Variants in HLCS observed in about 807,000 individuals in gnomAD.
The protein encoded by HLCS is holocarboxylase synthetase.
Under a neutral mutation model 75.0 loss-of-function variants are expected in HLCS, and 53 were observed. The observed-to-expected ratio is 0.71, with a 90% CI of 0.57 to 0.89. HLCS has a LOEUF of 0.89. Ranked by LOEUF, HLCS falls within the 40% of genes least tolerant of loss-of-function variation. The pLI is 0.00. For missense variants in HLCS, 966 were observed against 1,074.0 expected (o/e 0.90, Z 1.41); for synonymous variants, 431 against 428.6 (o/e 1.01, Z -0.07).
intron 1 of HLCS, among the ~76,000 whole-genome samples, chr21:36,985,450 T>C (rs2069210767): frequency 6.7e-6 from 1 of 149,780 alleles, no homozygotes; most frequent in Admixed American, 6.6e-5. Context: ...CTGGCCAACA[T>C]GGTGAAACCC....
chr21:36,874,866 C>CG (rs1032012158), intron 6 of HLCS, among the ~76,000 whole-genome samples: 4 of 151,904 alleles, frequency 2.6e-5, no homozygotes, highest in Non-Finnish European at 1.5e-5. Flanking sequence ...CCTGCACTCT[C>CG]GGGGGTCCAG....
intron 2 of HLCS, among the ~76,000 whole-genome samples, chr21:36,947,064 C>T (rs900768609): frequency 4.3e-4 from 66 of 152,158 alleles, no homozygotes; most frequent in Non-Finnish European, 9.0e-4. Context: ...AAGCTAAAGG[C>T]ACCATTGTCC....
At chr21:36,957,953 C>T (rs1415308018) in intron 2 of HLCS, among the ~76,000 whole-genome samples, 1 of 147,956 alleles carries the variant, frequency 6.8e-6, no homozygotes, top group Non-Finnish European at 1.5e-5. Flanking sequence ...AGAGGCCGGG[C>T]GCGGTGGCTC....
rs148652892 is a variant in HLCS at position 36,796,899 on chromosome 21, C to T, written c.1893-29614G>A. ...TTTTTTTTCCTGCAATGGAGTCTCACTCTATTGCCCAGGCTAGAGTACAGT... is the reference window on the plus strand; with the variant it reads ...TTTTTTTTCCTGCAATGGAGTCTCATTCTATTGCCCAGGCTAGAGTACAGT... On this transcript the variant is annotated intron_variant, in intron 6 of 10. Coordinates refer to ENST00000674895, the MANE Select transcript of HLCS (RefSeq NM_001352514.2). 2.9e-4 allele frequency among the ~76,000 whole-genome samples: 44 copies of T among 151,284 alleles called. No individual in the cohort carries two copies. The East Asian group carries it at 7.9e-3, about 27-fold the overall frequency.
chr21:36,891,910 A>G (rs2064802332), intron 6 of HLCS, among the ~76,000 whole-genome samples: 1 of 152,150 alleles, frequency 6.6e-6, no homozygotes, highest in Non-Finnish European at 1.5e-5. Context: ...CAAAGATATG[A>G]TTAAGGGCCT....
intron 6 of HLCS, among the ~76,000 whole-genome samples, chr21:36,882,054 G>C (rs549293582): frequency 1.3e-5 from 2 of 151,958 alleles, no homozygotes; most frequent in Admixed American, 6.6e-5. Context: ...AGGCCGAAGC[G>C]GGCGGATCCC....
chr21:36,963,737 A>T (rs2068429624), intron 1 of HLCS, among the ~76,000 whole-genome samples: 1 of 152,140 alleles, frequency 6.6e-6, no homozygotes, highest in Non-Finnish European at 1.5e-5. Flanking sequence ...GGGCAACAAG[A>T]GCAAAACTCC....
intron 5 of HLCS, among the ~76,000 whole-genome samples, chr21:36,915,056 C>T (rs1175294757): frequency 6.6e-6 from 1 of 152,236 alleles, no homozygotes; most frequent in Admixed American, 6.5e-5. Context: ...TCCCTTCCTT[C>T]TGATGCTGAC....
At chr21:36,875,803 GT>G (rs1274054066) in intron 6 of HLCS, among the ~76,000 whole-genome samples, 1 of 152,040 alleles carries the variant, frequency 6.6e-6, no homozygotes, top group Non-Finnish European at 1.5e-5. Flanking sequence ...CAGGGGCAAC[GT>G]CCCCCTGCTC....
At chr21:36,950,243 A>G (rs937621124) in intron 2 of HLCS, among the ~76,000 whole-genome samples, 4 of 152,082 alleles carry the variant, frequency 2.6e-5, no homozygotes, top group Non-Finnish European at 5.9e-5. Context: ...GTTAACACAT[A>G]TAAGCCTTGT....
intron 6 of HLCS, among the ~76,000 whole-genome samples, chr21:36,793,398 T>C (rs2060932137): frequency 6.6e-6 from 1 of 150,804 alleles, no homozygotes; most frequent in African/African-American, 2.4e-5. Flanking sequence ...TGGGCCCCAG[T>C]TCAAGCAATT....
chr21:36,768,048 G>A (rs2090102364), intron 6 of HLCS, among the ~76,000 whole-genome samples: 1 of 152,164 alleles, frequency 6.6e-6, no homozygotes, highest in Non-Finnish European at 1.5e-5. Context: ...TTTCCTGCAA[G>A]CTGCGCTCTC....
rs1235863989 is a variant in HLCS at position 36,960,133 on chromosome 21, C to CA, written c.330+1902_330+1903insT. On this transcript the variant is annotated intron_variant, in intron 2 of 10. Transcript: ENST00000674895. ...CACAGCCTTGCATGGAGCCACCCACCCCCCCCCCCCCCGACCCTGCACTTC... is the reference window on the plus strand; with the variant it reads ...CACAGCCTTGCATGGAGCCACCCACCACCCCCCCCCCCCGACCCTGCACTTC... Among the ~76,000 whole-genome samples, 23 of 3,392 alleles carry CA rather than the reference C, an allele frequency of 6.8e-3. No homozygotes were observed. In the South Asian group the frequency reaches 0.19, roughly 27 times the overall value. 2.2% of individuals were successfully genotyped at this position (3,392 alleles called of 152,430 possible).
At chr21:36,778,230 A>G (rs979569755) in intron 6 of HLCS, among the ~76,000 whole-genome samples, 6 of 151,902 alleles carry the variant, frequency 3.9e-5, no homozygotes, top group Non-Finnish European at 7.4e-5. Flanking sequence ...CTGCCTCCCA[A>G]AGTGCTGGGA....
intron 5 of HLCS, 75 bp from the exon 6 acceptor site, chr21:36,897,206 G>A: frequency 1.3e-6 from 2 of 1,493,914 alleles, no homozygotes; most frequent in Non-Finnish European, 1.9e-6. Flanking sequence ...TCCTTATAAT[G>A]CCATTTTGGT....
chr21:36,937,337 C>T lies in HLCS; in HGVS notation c.549G>A (p.Lys183=). The T allele has an allele frequency of 6.2e-7, 1 of 1,614,068 alleles. No individual in the cohort carries two copies. Among genetic ancestry groups the T allele is most frequent in the Non-Finnish European group, 8.5e-7 (1 of 1,180,018 alleles). Reference sequence around the variant, plus strand: ...GCTTCGGCTCTAGGATCTGGGCTTGCTTGTTTGAGACCTGATCCTTAACTT... The same window carrying T: ...GCTTCGGCTCTAGGATCTGGGCTTGTTTGTTTGAGACCTGATCCTTAACTT... ...LKEVKDQVSN[K]QAQILEPKPE... The change falls in exon 4 of 11, where the codon AAG becomes AAA. Residue 183 remains lysine (K), a synonymous_variant. Coordinates refer to ENST00000674895, the MANE Select transcript of HLCS (RefSeq NM_001352514.2).
chr21:36,958,527 G>A (rs1345327208), intron 2 of HLCS, among the ~76,000 whole-genome samples: 1 of 152,292 alleles, frequency 6.6e-6, no homozygotes, highest in African/African-American at 2.4e-5. Flanking sequence ...AGTGGCTCAC[G>A]CCTGTAATCC....
intron 6 of HLCS, among the ~76,000 whole-genome samples, chr21:36,860,355 A>G (rs2063342530): frequency 6.6e-6 from 1 of 151,832 alleles, no homozygotes; most frequent in Non-Finnish European, 1.5e-5. Flanking sequence ...CCAGGAAGCC[A>G]CACCCCTCCA....
chr21:36,864,872 G>A (rs2063503256), intron 6 of HLCS, among the ~76,000 whole-genome samples: 1 of 152,152 alleles, frequency 6.6e-6, no homozygotes, highest in Admixed American at 6.5e-5. Context: ...TAAGTACAGG[G>A]AAATAAAGGA....
Sources: allele counts gnomAD v4.1 joint callset (sites outside exome capture counted in the v4.1 genomes callset), GRCh38; gene constraint gnomAD v4.1.1; transcripts MANE v1.5; gene names NCBI Gene and HGNC (gene_info 2026-07-23, HGNC 2026-07-21).